The following EPHB2 variants were observed in gnomAD, a reference collection of about 807,000 sequenced individuals.
EPHB2 encodes ephrin type-B receptor 2.
In EPHB2, 18 loss-of-function variants were observed where a neutral mutation model predicts 96.4. The observed-to-expected ratio is 0.19, with a 90% confidence interval of 0.13 to 0.28. The LOEUF is 0.28. Ranked by LOEUF, EPHB2 falls within the 10% of genes least tolerant of loss-of-function variation. The probability of loss-of-function intolerance (pLI) is 1.00; values close to 1 mark genes in which losing one functional copy is unlikely to be tolerated. For synonymous variants in EPHB2, 506 were observed against 534.1 expected, an observed-to-expected ratio of 0.95 and a Z score of 0.72; for missense variants, 989 against 1,355.4, an observed-to-expected ratio of 0.73 and a Z score of 4.25.
intron 1 of EPHB2, among the ~76,000 whole-genome samples, chr1:22,712,879 T>C (rs1643191026): frequency 6.6e-6 from 1 of 152,186 alleles, no homozygotes; most frequent in Admixed American, 6.5e-5. Flanking sequence ...AATATTGCTA[T>C]TTAGGTTGCA....
At chr1:22,869,206 G>A (rs191158991) in intron 5 of EPHB2, among the ~76,000 whole-genome samples, 1 of 152,098 alleles carries the variant, frequency 6.6e-6, no homozygotes, top group African/African-American at 2.4e-5. Flanking sequence ...CCCTTTGCCA[G>A]GTGAGGAAAC....
intron 3 of EPHB2, among the ~76,000 whole-genome samples, chr1:22,831,994 T>A (rs775344834): frequency 2.0e-5 from 3 of 152,116 alleles, no homozygotes; most frequent in Non-Finnish European, 2.9e-5. Flanking sequence ...AGAGGAAGAA[T>A]TGGGCTTCCC....
intron 5 of EPHB2, among the ~76,000 whole-genome samples, chr1:22,869,629 T>C (rs1419687919): frequency 6.6e-6 from 1 of 152,120 alleles, no homozygotes; most frequent in Non-Finnish European, 1.5e-5. Context: ...AGCAGGCAAC[T>C]GGAGGGAGGG....
At chr1:22,755,215 A>T (rs1644130925) in intron 1 of EPHB2, among the ~76,000 whole-genome samples, 1 of 152,124 alleles carries the variant, frequency 6.6e-6, no homozygotes, top group African/African-American at 2.4e-5. Context: ...ATCCTCTTGC[A>T]GATGGCCCCG....
intron 9 of EPHB2, among the ~76,000 whole-genome samples, chr1:22,900,480 G>A (rs1357918714): frequency 6.6e-6 from 1 of 152,088 alleles, no homozygotes; most frequent in East Asian, 1.9e-4. Flanking sequence ...GGGGGAAACT[G>A]AGGCACAGAG....
chr1:22,835,320 C>G (rs1338254552), intron 3 of EPHB2, among the ~76,000 whole-genome samples: 2 of 152,000 alleles, frequency 1.3e-5, no homozygotes, highest in Non-Finnish European at 2.9e-5. Context: ...ATCAATGCTA[C>G]AGTGAGCCAT....
chr1:22,910,506 T>C lies in EPHB2; in HGVS notation c.2627T>C (p.Ile876Thr), dbSNP rs1640059942. 1.9e-6 allele frequency: 3 copies of C among 1,613,018 alleles called. No individual in the cohort carries two copies. The highest frequency in any genetic ancestry group is 1.4e-5 in the African/African-American group (1 of 73,896). ...DRNHRPKFGQ[I>T]VNTLDKMIRN... ...AACCACCGGCCCAAGTTCGGCCAAATTGTCAACACGCTAGACAAGATGATC... is the reference window on the plus strand; with the variant it reads ...AACCACCGGCCCAAGTTCGGCCAAACTGTCAACACGCTAGACAAGATGATC... Residue 876 changes from isoleucine (I) to threonine (T), a missense_variant, in exon 14 of 16, where the codon ATT becomes ACT. Ile to Thr is a moderately conservative substitution (Grantham distance 89). Coordinates refer to ENST00000374630, the MANE Select transcript of EPHB2 (RefSeq NM_017449.5).
chr1:22,731,606 G>A (rs575431991), intron 1 of EPHB2, among the ~76,000 whole-genome samples: 2 of 152,316 alleles, frequency 1.3e-5, no homozygotes, highest in East Asian at 3.9e-4. Context: ...TTGGGAGGCC[G>A]AGGCAGGCAG....
At chr1:22,840,700 A>G (rs529705727) in intron 3 of EPHB2, among the ~76,000 whole-genome samples, 118 of 152,256 alleles carry the variant, frequency 7.8e-4, no homozygotes, top group Non-Finnish European at 1.4e-3. Context: ...GCCTCAAGCA[A>G]TCCGCCCACC....
At chr1:22,763,886 AGAGCTTGT>A (rs1342733150) in intron 1 of EPHB2, among the ~76,000 whole-genome samples, 1 of 152,108 alleles carries the variant, frequency 6.6e-6, no homozygotes, top group Non-Finnish European at 1.5e-5. Flanking sequence ...CCTGCATCCC[AGAGCTTGT>A]GGCTCCTTCA....
At chr1:22,761,567 C>T (rs1353058394) in intron 1 of EPHB2, among the ~76,000 whole-genome samples, 1 of 152,214 alleles carries the variant, frequency 6.6e-6, no homozygotes, top group Non-Finnish European at 1.5e-5. Context: ...GAGCACTGAG[C>T]CTCCGTTCCC....
intron 3 of EPHB2, among the ~76,000 whole-genome samples, chr1:22,798,613 G>A (rs371083954): frequency 2.3e-4 from 35 of 152,210 alleles, no homozygotes; most frequent in African/African-American, 7.7e-4. Flanking sequence ...GGAGCCCACC[G>A]TGTGTCTGGG....
rs1048448221 is a variant in EPHB2 at position 22,733,248 on chromosome 1, C to T, written c.61+22205C>T. On this transcript the variant is annotated intron_variant, in intron 1 of 15. Coordinates refer to ENST00000374630, the MANE Select transcript of EPHB2 (RefSeq NM_017449.5). The surrounding 1 kb of genome is among the most constrained non-coding windows in gnomAD (Gnocchi z 4.6). ...ATTTTTAGTAGAGACGGGGTTTCAC[C>T]GTGTTGGCCAGGCTGGTCTCAAACT... is the stretch of plus-strand genomic sequence containing the variant. Among the ~76,000 whole-genome samples the T allele has an allele frequency of 4.6e-5, 7 of 152,044 alleles. No individual in the cohort carries two copies. Among genetic ancestry groups the T allele is most frequent in the Admixed American group, 3.9e-4 (6 of 15,256 alleles).
At chr1:22,873,195 T>C (rs1448185124) in intron 5 of EPHB2, among the ~76,000 whole-genome samples, 1 of 152,218 alleles carries the variant, frequency 6.6e-6, no homozygotes, top group African/African-American at 2.4e-5. Flanking sequence ...ACAGCAACGC[T>C]GGTCTTGGCG....
rs1287637661 is a variant in EPHB2, at chr1:22,741,690, A to AAAAAAAAAAAAAC, written c.61+30653_61+30654insAAAAAACAAAAAA. On this transcript the variant is annotated intron_variant, in intron 1 of 15. Transcript: ENST00000374630. ...GGTTTTCTTCCCAGCAAAAAAAAACAAAAAAACAAAAAACCTCAGTTTCTC... is the reference window on the plus strand; with the variant it reads ...GGTTTTCTTCCCAGCAAAAAAAAACAAAAAAAAAAAAACAAAAAACAAAAAACCTCAGTTTCTC... Among the ~76,000 whole-genome samples, 87 of 133,700 alleles carry AAAAAAAAAAAAAC rather than the reference A, an allele frequency of 6.5e-4. 1 individual carries two copies. Among genetic ancestry groups the AAAAAAAAAAAAAC allele is most frequent in the Non-Finnish European group, 1.1e-3 (72 of 64,426 alleles). The allele number at this position is 133,700 out of a possible 152,430, so 87.7% of individuals were successfully genotyped here.
At chr1:22,801,982 A>C (rs570182370) in intron 3 of EPHB2, among the ~76,000 whole-genome samples, 5 of 152,176 alleles carry the variant, frequency 3.3e-5, no homozygotes, top group African/African-American at 2.4e-5. Context: ...GCCAAGCTGC[A>C]AGCAGCGCGG....
chr1:22,911,774 C>T (rs538575735), intron 14 of EPHB2, among the ~76,000 whole-genome samples: 22 of 152,288 alleles, frequency 1.4e-4, no homozygotes, highest in African/African-American at 4.3e-4. Flanking sequence ...CAAAGTCCTT[C>T]TTCCAGCATG....
intron 5 of EPHB2, among the ~76,000 whole-genome samples, chr1:22,867,390 C>T (rs1038314650): frequency 6.6e-6 from 1 of 152,160 alleles, no homozygotes; most frequent in African/African-American, 2.4e-5. Flanking sequence ...CCAAATGTGG[C>T]TCTGCCTGTC....
intron 3 of EPHB2, among the ~76,000 whole-genome samples, chr1:22,851,576 A>G (rs957768603): frequency 2.0e-5 from 3 of 152,156 alleles, no homozygotes; most frequent in African/African-American, 7.2e-5. Context: ...TTATTGTGTG[A>G]CCTTAGGCAA....
Sources: gnomAD v4.1 joint callset for allele counts (sites outside exome capture counted in the v4.1 genomes callset) on GRCh38, gnomAD v4.1.1 for gene constraint, Gnocchi (gnomAD v3.1) non-coding constraint, MANE v1.5 for transcripts, NCBI Gene and HGNC (gene_info 2026-07-23, HGNC 2026-07-21) for gene names.